The following ZNF536 variants were observed in gnomAD, a reference collection of about 807,000 sequenced individuals.
The protein encoded by ZNF536 is zinc finger protein 536.
A neutral mutation model predicts 84.5 loss-of-function variants in ZNF536; 13 were observed. That is an observed-to-expected ratio of 0.15 (90% confidence interval 0.10 to 0.24). The LOEUF is 0.24. Ranked by LOEUF, ZNF536 falls within the 10% of genes least tolerant of loss-of-function variation. The pLI, the probability that ZNF536 is intolerant of heterozygous loss-of-function variation, is 1.00. For missense variants in ZNF536, 1,536 were observed against 1,747.5 expected (o/e 0.88, Z 2.16); for synonymous variants, 811 against 742.5 (o/e 1.09, Z -1.50).
intron 2 of ZNF536, among the ~76,000 whole-genome samples, chr19:30,533,534 AG>A (rs1002339189): frequency 4.0e-5 from 6 of 151,806 alleles, no homozygotes; most frequent in African/African-American, 1.5e-4. Context: ...AAAAAAAAAA[AG>A]AATTAAATGT....
chr19:30,326,791 CTTTTTTTTTTTTTT>C (rs869076590), intron 2 of ZNF536, among the ~76,000 whole-genome samples: 2 of 51,974 alleles, frequency 3.8e-5, no homozygotes, highest in Admixed American at 3.7e-4. Context: ...TTATAAAAAG[CTTTTTTTTTTTTTT>C]TTTTTTTTTT....
rs767056595 is a variant in ZNF536, at chr19:30,445,559, T to C, written c.1997T>C (p.Val666Ala). The change falls in exon 2 of 5, where the codon GTG (valine) becomes GCG (alanine). Residue 666 changes from valine to alanine, a missense_variant. Transcript: ENST00000355537. The surrounding 1 kb of genome is among the most constrained non-coding windows in gnomAD (Gnocchi z 4.5). ...DRKGEEDGLH[V>A]GLDERRGSGS... ...AAGGGCGAGGAGGATGGGCTGCACG[T>C]GGGCCTGGATGAGCGGCGTGGCTCG... 6.2e-7 allele frequency: 1 copy of C among 1,613,482 alleles called. No individual in the cohort carries two copies. The highest frequency in any genetic ancestry group is 8.5e-7 in the Non-Finnish European group (1 of 1,179,784).
intron 1 of ZNF536, among the ~76,000 whole-genome samples, chr19:30,630,729 G>A (rs1472339146): frequency 2.0e-5 from 3 of 152,160 alleles, no homozygotes; most frequent in African/African-American, 4.8e-5. Context: ...TCACTGTCAG[G>A]ACTTGCTACT....
At chr19:30,299,989 G>T (rs934888389) in intron 2 of ZNF536, among the ~76,000 whole-genome samples, 2 of 152,082 alleles carry the variant, frequency 1.3e-5, no homozygotes, top group Non-Finnish European at 1.5e-5. Flanking sequence ...TAGGATAAAA[G>T]GTCATCAGTT....
intron 1 of ZNF536, among the ~76,000 whole-genome samples, chr19:30,700,200 CCTT>C (rs1462975109): frequency 3.8e-5 from 3 of 79,900 alleles, no homozygotes; most frequent in African/African-American, 1.2e-4. Context: ...TTCTTTCTTT[CCTT>C]CTTTCTTTCC....
At chr19:30,539,896 T>A (rs1177781125) in intron 3 of ZNF536, among the ~76,000 whole-genome samples, 1 of 152,206 alleles carries the variant, frequency 6.6e-6, no homozygotes, top group African/African-American at 2.4e-5. Flanking sequence ...ATGGGGTTGT[T>A]GTCTCAAGGA....
chr19:30,699,310 C>T (rs1468292595), intron 1 of ZNF536, among the ~76,000 whole-genome samples: 1 of 152,168 alleles, frequency 6.6e-6, no homozygotes, highest in Non-Finnish European at 1.5e-5. Flanking sequence ...TGTGTACTAA[C>T]TCCTGTATAT....
Position 30,438,955 on chromosome 19 carries a change from C to T in ZNF536, c.-2-4606C>T, listed in dbSNP as rs145300705. ...CTGGGATTACAGGTGTGAGCCGCTG[C>T]GTCTGGTCCCTTCCAACAGGTCTTA... On this transcript the variant is annotated intron_variant, in intron 1 of 4. Coordinates refer to ENST00000355537, the MANE Select transcript of ZNF536 (RefSeq NM_014717.3). 3.6e-3 allele frequency among the ~76,000 whole-genome samples: 552 copies of T among 152,238 alleles called. 2 individuals carry two copies. The highest frequency in any genetic ancestry group is 6.3e-3 in the Non-Finnish European group (429 of 68,024).
intron 2 of ZNF536, among the ~76,000 whole-genome samples, chr19:30,513,283 G>A (rs58669318): frequency 0.047 from 7,110 of 152,176 alleles, 479 homozygotes; most frequent in African/African-American, 0.15. Flanking sequence ...TCTTGTGTGC[G>A]CAAGAAAATA....
At chr19:30,677,144 C>T (rs1307587620) in intron 1 of ZNF536, among the ~76,000 whole-genome samples, 1 of 152,230 alleles carries the variant, frequency 6.6e-6, no homozygotes. Flanking sequence ...TTGGCTCATA[C>T]CTGCTGGGCT....
chr19:30,476,295 C>A (rs866866723), intron 2 of ZNF536, among the ~76,000 whole-genome samples: 2 of 152,130 alleles, frequency 1.3e-5, no homozygotes, highest in Admixed American at 6.5e-5. Context: ...GGTGTTAATC[C>A]GTGGACTCTG....
chr19:30,492,277 T>C (rs1233899137), intron 2 of ZNF536, among the ~76,000 whole-genome samples: 1 of 152,238 alleles, frequency 6.6e-6, no homozygotes, highest in Non-Finnish European at 1.5e-5. Context: ...GTTTTTATTA[T>C]ATGAGACATT....
At chr19:30,625,351 C>A (rs141966490) in intron 1 of ZNF536, among the ~76,000 whole-genome samples, 150 of 152,284 alleles carry the variant, frequency 9.9e-4, no homozygotes, top group Non-Finnish European at 1.6e-3. Context: ...AGTGAGAACA[C>A]CATTCTAATC....
At position 30,376,243 on chromosome 19, in the gene ZNF536, C is replaced by T. The variant is rs560443969; in HGVS notation, c.-3+3687C>T. On this transcript the variant is annotated intron_variant, in intron 1 of 4. Transcript: ENST00000355537. ...CCTTGGCATCCCCTCTCCCCCAATC[C>T]CTATACACGCCTTTGTTGAGGGTGA... is the stretch of plus-strand genomic sequence containing the variant. 3.9e-5 allele frequency among the ~76,000 whole-genome samples: 6 copies of T among 152,302 alleles called. No individual in the cohort carries two copies. The East Asian group carries it at 1.2e-3, about 29-fold the overall frequency.
intron 1 of ZNF536, among the ~76,000 whole-genome samples, chr19:30,671,802 G>A (rs1309236797): frequency 6.6e-6 from 1 of 152,210 alleles, no homozygotes; most frequent in Non-Finnish European, 1.5e-5. Flanking sequence ...ATTTCAAAAT[G>A]CATTCTTCCG....
Position 30,659,952 on chromosome 19 carries a change from G to GGTGTGTGT in ZNF536, c.170-50782_170-50775dup, listed in dbSNP as rs5827727. On this transcript the variant is annotated intron_variant, in intron 1 of 1. Coordinates refer to the ZNF536 transcript ENST00000592773. Reference sequence around the variant, plus strand: ...TTGCTCCTACCCTGTTTGACACAAGGGTGTGTGTGTGTGTGTGTGTGTGTG... The same window carrying GGTGTGTGT: ...TTGCTCCTACCCTGTTTGACACAAGGGTGTGTGTGTGTGTGTGTGTGTGTGTGTGTGTG... 5.1e-3 allele frequency among the ~76,000 whole-genome samples: 513 copies of GGTGTGTGT among 101,288 alleles called. 1 individual carries two copies. The highest frequency in any genetic ancestry group is 0.022 in the African/African-American group (456 of 21,016). The allele number at this position is 101,288 out of a possible 152,430, so 66.4% of individuals were successfully genotyped here.
At chr19:30,362,297 C>G (rs991417679) in intron 3 of ZNF536, among the ~76,000 whole-genome samples, 1 of 152,076 alleles carries the variant, frequency 6.6e-6, no homozygotes, top group Non-Finnish European at 1.5e-5. Context: ...GGCGGCTTTC[C>G]TAGTGAGCTC....
chr19:30,600,017 A>G lies in ZNF536; in HGVS notation c.169+50503A>G, dbSNP rs566213816. On this transcript the variant is annotated intron_variant, in intron 1 of 1. Coordinates refer to the ZNF536 transcript ENST00000592773. ...GAAAAAGTGGTGATTCTGGGTCTATATTCTACTCTCAAATGCTCCTAGCTG... is the reference window on the plus strand; with the variant it reads ...GAAAAAGTGGTGATTCTGGGTCTATGTTCTACTCTCAAATGCTCCTAGCTG... 2.0e-5 allele frequency among the ~76,000 whole-genome samples: 3 copies of G among 150,130 alleles called. No individual in the cohort carries two copies. The South Asian group carries it at 6.3e-4, about 32-fold the overall frequency.
chr19:30,618,782 G>C (rs531043371), intron 1 of ZNF536, among the ~76,000 whole-genome samples: 13 of 151,898 alleles, frequency 8.6e-5, no homozygotes, highest in African/African-American at 3.1e-4. Context: ...TTTTAATATG[G>C]AATCCATAGG....
Sources: allele counts gnomAD v4.1 joint callset (sites outside exome capture counted in the v4.1 genomes callset), GRCh38; gene constraint gnomAD v4.1.1; non-coding constraint Gnocchi (gnomAD v3.1); transcripts MANE v1.5; gene names NCBI Gene and HGNC (gene_info 2026-07-23, HGNC 2026-07-21).